Variants in TMTC2 observed in about 807,000 individuals in gnomAD.
TMTC2 encodes transmembrane O-mannosyltransferase targeting cadherins 2, also known as protein O-mannosyl-transferase TMTC2.
In TMTC2, 43 loss-of-function variants were observed where a neutral mutation model predicts 82.4. The ratio of observed to expected loss-of-function variants is 0.52; its 90% CI spans 0.41 to 0.67. The LOEUF (loss-of-function observed/expected upper bound fraction) is 0.67. Ranked by LOEUF, TMTC2 falls within the 30% of genes least tolerant of loss-of-function variation. The pLI, the probability that TMTC2 is intolerant of heterozygous loss-of-function variation, is 0.00. For missense variants in TMTC2, 919 were observed against 1,012.4 expected (o/e 0.91, Z 1.25); for synonymous variants, 408 against 381.9 (o/e 1.07, Z -0.80).
chr12:83,009,218 C>T (rs1458947988), intron 8 of TMTC2, among the ~76,000 whole-genome samples: 1 of 152,146 alleles, frequency 6.6e-6, no homozygotes, highest in East Asian at 1.9e-4. Context: ...GGATGTATTT[C>T]ACAGGGATGA....
At chr12:82,943,941 C>A (rs980432271) in intron 4 of TMTC2, among the ~76,000 whole-genome samples, 2 of 151,832 alleles carry the variant, frequency 1.3e-5, no homozygotes, top group Admixed American at 6.6e-5. Flanking sequence ...CTTATATTAT[C>A]GTGACAAGGT....
At chr12:83,000,647 C>T (rs1256885253) in intron 8 of TMTC2, among the ~76,000 whole-genome samples, 2 of 152,108 alleles carry the variant, frequency 1.3e-5, no homozygotes, top group Non-Finnish European at 2.9e-5. Flanking sequence ...GTGGATCTAC[C>T]ATTCTGGGGT....
intron 1 of TMTC2, among the ~76,000 whole-genome samples, chr12:82,731,576 A>T (rs1874811368): frequency 6.6e-6 from 1 of 152,338 alleles, no homozygotes; most frequent in East Asian, 1.9e-4. Context: ...CCGACATAGA[A>T]ATACTTGATA....
intron 1 of TMTC2, among the ~76,000 whole-genome samples, chr12:82,749,460 G>A (rs934225092): frequency 2.0e-5 from 3 of 152,022 alleles, no homozygotes; most frequent in Non-Finnish European, 4.4e-5. Context: ...TAAAAATCTG[G>A]ACACAGCTCC....
intron 8 of TMTC2, among the ~76,000 whole-genome samples, chr12:83,025,935 C>T (rs1334639227): frequency 6.6e-6 from 1 of 152,142 alleles, no homozygotes; most frequent in Non-Finnish European, 1.5e-5. Context: ...GGTGTGCCAC[C>T]CTACTGGGGT....
chr12:82,796,352 C>T lies in TMTC2; in HGVS notation c.84-60658C>T, dbSNP rs114356957. Among the ~76,000 whole-genome samples the T allele has an allele frequency of 1.5e-3, 230 of 152,176 alleles. 1 individual carries two copies. Among genetic ancestry groups the T allele is most frequent in the African/African-American group, 5.2e-3 (216 of 41,542 alleles). ...ATTAGTTCTGTAATAGACTGATACC[C>T]CAGCTGAAGGCTCTCATGGTAAATT... On this transcript the variant is annotated intron_variant, in intron 1 of 11. Transcript: ENST00000321196.
intron 9 of TMTC2, among the ~76,000 whole-genome samples, chr12:83,044,525 G>A (rs925684797): frequency 1.3e-5 from 2 of 152,108 alleles, no homozygotes; most frequent in African/African-American, 2.4e-5. Context: ...CTGCCGTTTT[G>A]AGAACACCCT....
At chr12:82,926,682 G>C (rs1275078080) in intron 3 of TMTC2, among the ~76,000 whole-genome samples, 7 of 152,152 alleles carry the variant, frequency 4.6e-5, no homozygotes, top group African/African-American at 1.7e-4. Flanking sequence ...TATTTTCAAA[G>C]GACAGGCTGA....
At chr12:82,803,154 G>A (rs1038766117) in intron 1 of TMTC2, among the ~76,000 whole-genome samples, 3 of 152,170 alleles carry the variant, frequency 2.0e-5, no homozygotes, top group African/African-American at 7.2e-5. Context: ...TCATCCTTAA[G>A]TGGCCAGTAT....
intron 8 of TMTC2, among the ~76,000 whole-genome samples, chr12:82,990,539 A>T (rs759131173): frequency 2.6e-5 from 4 of 151,980 alleles, no homozygotes; most frequent in Non-Finnish European, 4.4e-5. Context: ...GTCTTGCCTG[A>T]CTTTCTTAAG....
chr12:82,752,739 A>G (rs2136968257), intron 1 of TMTC2, among the ~76,000 whole-genome samples: 1 of 151,934 alleles, frequency 6.6e-6, no homozygotes, highest in African/African-American at 2.4e-5. Context: ...TTTAAAGACA[A>G]ATGTGTGCTG....
chr12:83,000,791 A>G (rs949788730), intron 8 of TMTC2, among the ~76,000 whole-genome samples: 1 of 152,152 alleles, frequency 6.6e-6, no homozygotes, highest in Non-Finnish European at 1.5e-5. Context: ...CCATGCAACA[A>G]ATTTTTGCCT....
At chr12:82,715,947 G>A (rs1408421256) in intron 1 of TMTC2, among the ~76,000 whole-genome samples, 1 of 152,046 alleles carries the variant, frequency 6.6e-6, no homozygotes, top group Non-Finnish European at 1.5e-5. Flanking sequence ...TCTCCCCTCC[G>A]CTCGTATTAT....
chr12:82,767,654 T>C (rs555130632), intron 1 of TMTC2, among the ~76,000 whole-genome samples: 2 of 152,338 alleles, frequency 1.3e-5, no homozygotes, highest in South Asian at 2.1e-4. Context: ...TGTCCTTTAC[T>C]GAATATTGGT....
intron 2 of TMTC2, among the ~76,000 whole-genome samples, chr12:82,877,582 C>T (rs1256528607): frequency 2.0e-5 from 3 of 152,144 alleles, no homozygotes; most frequent in African/African-American, 7.2e-5. Flanking sequence ...TCTCCTCTTT[C>T]TCCCTCTCTC....
chr12:82,735,959 C>T (rs541068014), intron 1 of TMTC2, among the ~76,000 whole-genome samples: 3 of 138,422 alleles, frequency 2.2e-5, no homozygotes, highest in South Asian at 2.5e-4. Flanking sequence ...GGTGACAGTG[C>T]GAGACTCCGT....
chr12:82,941,083 A>G lies in TMTC2; in HGVS notation c.1598+10538A>G, dbSNP rs11115496. ...ATATAAAGGGAACATGATATCATAT[A>G]TATAAAGGGGAACATGGTGTCACAA... On this transcript the variant is annotated intron_variant, in intron 4 of 11. Transcript: ENST00000321196. Among the ~76,000 whole-genome samples, 808 of 152,320 alleles carry G rather than the reference A, an allele frequency of 5.3e-3. 3 individuals are homozygous for G. Among genetic ancestry groups the G allele is most frequent in the Non-Finnish European group, 8.3e-3 (563 of 68,022 alleles).
chr12:83,030,629 C>G (rs1215722902), intron 8 of TMTC2, among the ~76,000 whole-genome samples, 169 bp from the exon 9 acceptor site: 1 of 152,090 alleles, frequency 6.6e-6, no homozygotes, highest in Non-Finnish European at 1.5e-5. Flanking sequence ...TCAGTGTTCT[C>G]TCTCAACACT....
At chr12:82,984,451 A>G (rs1879068755) in intron 7 of TMTC2, among the ~76,000 whole-genome samples, 1 of 152,228 alleles carries the variant, frequency 6.6e-6, no homozygotes, top group African/African-American at 2.4e-5. Context: ...TTACAATGCC[A>G]TAGTAATACA....
Sources: gnomAD v4.1 joint callset for allele counts (sites outside exome capture counted in the v4.1 genomes callset) on GRCh38, gnomAD v4.1.1 for gene constraint, MANE v1.5 for transcripts, NCBI Gene and HGNC (gene_info 2026-07-23, HGNC 2026-07-21) for gene names.